The following GALNT8 variants were observed in gnomAD, a reference collection of about 807,000 sequenced individuals.
GALNT8 encodes probable polypeptide N-acetylgalactosaminyltransferase 8.
A neutral mutation model predicts 62.7 loss-of-function variants in GALNT8; 66 were observed. The observed-to-expected ratio is 1.05, with a 90% CI of 0.86 to 1.29. The LOEUF is 1.29. Ranked by LOEUF, GALNT8 falls within the 50% of genes most tolerant of loss-of-function variation. The pLI is 0.00. For synonymous variants in GALNT8, 288 were observed against 294.3 expected (o/e 0.98, Z 0.22); for missense variants, 771 against 791.8 (o/e 0.97, Z 0.32).
intron 10 of GALNT8, among the ~76,000 whole-genome samples, chr12:4,767,813 A>G (rs1946406402): frequency 6.6e-6 from 1 of 152,230 alleles, no homozygotes; most frequent in Non-Finnish European, 1.5e-5. Flanking sequence ...CATTGTATTC[A>G]AGTTATAAAT....
rs776813253 is a variant in GALNT8 at position 4,739,339 on chromosome 12, G to A, written c.676+10G>A. On this transcript the variant is annotated intron_variant, in intron 3 of 10. Transcript: ENST00000252318. ...GATTTCAGCTCAAATGGTGAGCAAC[G>A]TGATCAAAGAATAATTGTAAAAATG... is the stretch of plus-strand genomic sequence containing the variant. 1.9e-6 allele frequency: 3 copies of A among 1,606,880 alleles called. No individual in the cohort carries two copies. Among genetic ancestry groups the A allele is most frequent in the South Asian group, 1.1e-5 (1 of 90,370 alleles).
intron 7 of GALNT8, 79 bp downstream of exon 7, chr12:4,761,222 C>T (rs938169577): frequency 8.2e-6 from 10 of 1,216,436 alleles, no homozygotes; most frequent in Non-Finnish European, 3.6e-6. Context: ...AGGGATAAAG[C>T]AAAAGTGCCA....
At chr12:4,746,055 G>A in intron 5 of GALNT8, 89 bp from the exon 6 acceptor site, 3 of 750,956 alleles carry the variant, frequency 4.0e-6, no homozygotes, top group Non-Finnish European at 4.7e-6. Flanking sequence ...CTTAGGTAGA[G>A]TTCTGAAGCC....
At chr12:4,723,353 A>G (rs1946179611) in intron 1 of GALNT8, among the ~76,000 whole-genome samples, 1 of 152,166 alleles carries the variant, frequency 6.6e-6, no homozygotes, top group Non-Finnish European at 1.5e-5. Flanking sequence ...TGCCCATGCA[A>G]ATATGCTTGG....
In GALNT8 at chr12:4,746,265, A is replaced by G; in HGVS notation, c.1173+7A>G. Reference sequence around the variant, plus strand: ...CGTGGAGCTTAGCCTGAGGGTGGGTACATTTCCCTTTTCTTTATGGGACAA... The same window carrying G: ...CGTGGAGCTTAGCCTGAGGGTGGGTGCATTTCCCTTTTCTTTATGGGACAA... On this transcript the variant is annotated splice_region_variant and intron_variant, in intron 6 of 10. Transcript: ENST00000252318. The G allele has an allele frequency of 1.4e-6, 2 of 1,461,590 alleles. No homozygotes were observed. The highest frequency in any genetic ancestry group is 1.9e-6 in the Non-Finnish European group (2 of 1,040,462). The allele number at this position is 1,461,590 out of a possible 1,614,324, so 90.5% of individuals were successfully genotyped here. A position where few individuals can be genotyped will look rare whatever the true frequency, so the allele number is the denominator to read the frequency against.
chr12:4,737,359 T>G (rs11063325), intron 2 of GALNT8, among the ~76,000 whole-genome samples: 25,760 of 151,968 alleles, frequency 0.17, 2,299 homozygotes, highest in Non-Finnish European at 0.2. Flanking sequence ...AGTCTGAGAA[T>G]TAAACACTCC....
intron 1 of GALNT8, among the ~76,000 whole-genome samples, chr12:4,722,019 A>G (rs1446665729): frequency 2.0e-5 from 3 of 152,238 alleles, no homozygotes; most frequent in African/African-American, 7.2e-5. Context: ...CCCTTAATCC[A>G]TTTAACCCTG....
chr12:4,768,076 C>T (rs564450875), intron 10 of GALNT8, among the ~76,000 whole-genome samples: 7 of 152,236 alleles, frequency 4.6e-5, no homozygotes, highest in East Asian at 1.9e-4. Flanking sequence ...TTAAGAACTT[C>T]AATTACCTGA....
At chr12:4,735,267 C>A (rs1439845525) in intron 2 of GALNT8, among the ~76,000 whole-genome samples, 1 of 152,066 alleles carries the variant, frequency 6.6e-6, no homozygotes, top group Non-Finnish European at 1.5e-5. Flanking sequence ...AGGAAATATG[C>A]AAATGGAAAA....
Position 4,745,621 on chromosome 12 carries a change from A to G in GALNT8, c.1053A>G (p.Pro351=), listed in dbSNP as rs904977779. Reference sequence around the variant, plus strand: ...TTGATCTGCATGATGTCACTGCCCCAGTGAAGTAAGTCTGAGGAGATTCAG... The same window carrying G: ...TTGATCTGCATGATGTCACTGCCCCGGTGAAGTAAGTCTGAGGAGATTCAG... The part of the protein sequence containing the change: ...AWIDLHDVTA[P]VKSPSIMGIL... The change falls in exon 5 of 11, where the codon CCA becomes CCG. Residue 351 remains proline (P), a synonymous_variant. Coordinates refer to ENST00000252318, the MANE Select transcript of GALNT8 (RefSeq NM_017417.2). The G allele has an allele frequency of 1.2e-6, 2 of 1,611,742 alleles. No homozygotes were observed. Among genetic ancestry groups the G allele is most frequent in the African/African-American group, 1.3e-5 (1 of 74,976 alleles).
intron 10 of GALNT8, among the ~76,000 whole-genome samples, chr12:4,770,433 T>C (rs1946418631): frequency 6.6e-6 from 1 of 151,952 alleles, no homozygotes. Context: ...GCTCATGTCA[T>C]GTGGAAGTTG....
At chr12:4,748,513 C>G (rs566300907) in intron 6 of GALNT8, among the ~76,000 whole-genome samples, 1 of 152,138 alleles carries the variant, frequency 6.6e-6, no homozygotes, top group Admixed American at 6.5e-5. Flanking sequence ...GCACCTTTGT[C>G]AAAAATGAGT....
chr12:4,742,717 T>C (rs1225017033), intron 3 of GALNT8, among the ~76,000 whole-genome samples: 2 of 151,760 alleles, frequency 1.3e-5, no homozygotes, highest in South Asian at 4.2e-4. Flanking sequence ...GAGGGAAGAC[T>C]GGGAAACTGG....
At chr12:4,757,501 G>C (rs1946350374) in intron 6 of GALNT8, among the ~76,000 whole-genome samples, 1 of 152,172 alleles carries the variant, frequency 6.6e-6, no homozygotes, top group Non-Finnish European at 1.5e-5. Flanking sequence ...GGTGATAGGG[G>C]CCAAGACTTT....
At chr12:4,767,195 C>T (rs1490505517) in intron 10 of GALNT8, among the ~76,000 whole-genome samples, 7 of 152,124 alleles carry the variant, frequency 4.6e-5, no homozygotes, top group East Asian at 1.9e-4. Context: ...CCAGAGGAGT[C>T]GGTTGGGTGG....
chr12:4,723,139 C>T (rs1565582705), intron 1 of GALNT8, among the ~76,000 whole-genome samples: 1 of 152,094 alleles, frequency 6.6e-6, no homozygotes, highest in Non-Finnish European at 1.5e-5. Flanking sequence ...GTGCTGTTTC[C>T]ATGAACGTCT....
At chr12:4,741,243 G>A (rs74802382) in intron 3 of GALNT8, among the ~76,000 whole-genome samples, 2,694 of 152,148 alleles carry the variant, frequency 0.018, 72 homozygotes, top group African/African-American at 0.06. Flanking sequence ...TTCATCCTTT[G>A]CATACCTTCC....
chr12:4,765,420 AC>A lies in GALNT8; in HGVS notation c.1636del (p.Leu546Ter), dbSNP rs1565390483. On this transcript the variant is annotated frameshift_variant, in exon 10 of 11. Transcript: ENST00000252318. LOFTEE classifies it high-confidence loss of function. ...TAACTGGGGAGCTCTATGTGGGACA[AC>A]TGATTGCAGAGGCCAGTGCTAGTGA... is the stretch of plus-strand genomic sequence containing the variant. ...HLTGELYVGQ[L>X]IAEASASDRC... 6.2e-7 allele frequency: 1 copy of A among 1,604,062 alleles called. No homozygotes were observed. Among genetic ancestry groups the A allele is most frequent in the Non-Finnish European group, 8.5e-7 (1 of 1,176,984 alleles).
Position 4,765,361 on chromosome 12 carries a change from T to A in GALNT8, c.1594-18T>A. The A allele has an allele frequency of 2.1e-6, 3 of 1,430,518 alleles. No individual in the cohort carries two copies. Among genetic ancestry groups the A allele is most frequent in the South Asian group, 3.1e-5 (2 of 65,204 alleles). 88.6% of individuals were successfully genotyped at this position (1,430,518 alleles called of 1,614,324 possible). On this transcript the variant is annotated intron_variant, in intron 9 of 10. Transcript: ENST00000252318. ...TATGGTGAGCCCTCTGCTTTTTTTT[T>A]TTTTTTTTTTTTTTTAGAATGTCTA...
Sources: gnomAD v4.1 joint callset for allele counts (sites outside exome capture counted in the v4.1 genomes callset) on GRCh38, gnomAD v4.1.1 for gene constraint, MANE v1.5 for transcripts, NCBI Gene and HGNC (gene_info 2026-07-23, HGNC 2026-07-21) for gene names.